RTL4: variants seen among roughly 807,000 people sequenced by gnomAD.
RTL4 encodes retrotransposon Gag-like protein 4.
RTL4 carries 4 observed loss-of-function variants against 5.3 expected under a neutral mutation model. That is an observed-to-expected ratio of 0.75 (90% CI 0.37 to 1.72). The LOEUF (loss-of-function observed/expected upper bound fraction) is 1.72. RTL4 is among the 40% of genes most tolerant of loss of function. RTL4 has a pLI of 0.04. For missense variants in RTL4, 260 were observed against 227.1 expected (o/e 1.14, Z -0.93); for synonymous variants, 98 against 87.3 (o/e 1.12, Z -0.68).
chrX:112,384,299 T>G, the RTL4 span, among the ~76,000 whole-genome samples: 1 of 112,268 alleles, frequency 8.9e-6, no homozygotes, highest in Non-Finnish European at 1.9e-5. Context: ...ATGTCCTAAA[T>G]GGTATGGCCC....
chrX:112,087,329 CTT>C, the RTL4 span, among the ~76,000 whole-genome samples: 13 of 91,222 alleles, frequency 1.4e-4, no homozygotes, highest in Admixed American at 2.4e-4. Flanking sequence ...TGGTCTTCAG[CTT>C]TTTTTTTTTT....
At chrX:112,256,055 T>C in the RTL4 span, among the ~76,000 whole-genome samples, 3 of 112,148 alleles carry the variant, frequency 2.7e-5, no homozygotes, top group African/African-American at 9.7e-5. Context: ...CACGATATAA[T>C]TCATATAAAC....
chrX:112,273,245 T>C, the RTL4 span, among the ~76,000 whole-genome samples: 1 of 107,547 alleles, frequency 9.3e-6, no homozygotes, highest in Non-Finnish European at 1.9e-5. Flanking sequence ...TCATACCACA[T>C]AGAGTTGATG....
the RTL4 span, among the ~76,000 whole-genome samples, chrX:112,328,497 G>T: frequency 9.0e-6 from 1 of 111,550 alleles, no homozygotes; most frequent in East Asian, 2.8e-4. Flanking sequence ...GGAGCACCCA[G>T]ATTCATAAAG....
the RTL4 span, among the ~76,000 whole-genome samples, chrX:112,228,341 A>G: frequency 8.9e-6 from 1 of 112,003 alleles, no homozygotes; most frequent in Non-Finnish European, 1.9e-5. Flanking sequence ...AGTTCAAAGG[A>G]ACCATTTTTA....
the RTL4 span, among the ~76,000 whole-genome samples, chrX:112,163,742 C>T: frequency 8.9e-6 from 1 of 111,806 alleles, no homozygotes; most frequent in African/African-American, 3.3e-5. Context: ...AGAATAATAC[C>T]TACCTGCATA....
At chrX:112,306,788 C>T in the RTL4 span, among the ~76,000 whole-genome samples, 93 of 111,552 alleles carry the variant, frequency 8.3e-4, no homozygotes, top group African/African-American at 2.5e-3. Flanking sequence ...ATTCAGTACT[C>T]TTTACCTCCT....
At chrX:112,130,259 T>C in the RTL4 span, among the ~76,000 whole-genome samples, 1 of 108,996 alleles carries the variant, frequency 9.2e-6, no homozygotes, top group Non-Finnish European at 1.9e-5. Context: ...TTTTTTTTTT[T>C]TGAGACGGAG....
the RTL4 span, among the ~76,000 whole-genome samples, chrX:112,133,305 A>G: frequency 2.7e-5 from 3 of 112,431 alleles, no homozygotes; most frequent in South Asian, 1.1e-3. Flanking sequence ...GCAGAATGCC[A>G]ATATGTAGTT....
chrX:112,221,721 A>C, the RTL4 span, among the ~76,000 whole-genome samples: 2 of 112,259 alleles, frequency 1.8e-5, no homozygotes, highest in Non-Finnish European at 3.8e-5. Flanking sequence ...AATGATGGAG[A>C]GGTTGTTTTC....
the RTL4 span, among the ~76,000 whole-genome samples, chrX:112,236,281 C>A: frequency 2.8e-5 from 3 of 105,946 alleles, no homozygotes; most frequent in Non-Finnish European, 5.8e-5. Flanking sequence ...GCCCCAGTTT[C>A]CTTATTTAAA....
chrX:112,406,099 C>T, the RTL4 span, among the ~76,000 whole-genome samples: 3 of 111,426 alleles, frequency 2.7e-5, no homozygotes, highest in South Asian at 3.9e-4. Context: ...CACTTGCCAC[C>T]GTGAGCCAAA....
At chrX:112,306,534 C>G in the RTL4 span, among the ~76,000 whole-genome samples, 2 of 111,564 alleles carry the variant, frequency 1.8e-5, no homozygotes, top group Non-Finnish European at 3.8e-5. Context: ...ACTGGAGAAA[C>G]CAGCTTTCAA....
At chrX:112,083,364 G>A in the RTL4 span, among the ~76,000 whole-genome samples, 4 of 112,576 alleles carry the variant, frequency 3.6e-5, no homozygotes, top group Non-Finnish European at 7.5e-5. Flanking sequence ...GGCTGCTCCG[G>A]CGACCATAGG....
chrX:112,115,686 T>G, the RTL4 span, among the ~76,000 whole-genome samples: 1 of 111,772 alleles, frequency 8.9e-6, no homozygotes, highest in African/African-American at 3.3e-5. Flanking sequence ...CCTTTCTGAT[T>G]GGTAAGCCCA....
the RTL4 span, among the ~76,000 whole-genome samples, chrX:112,281,411 C>T: frequency 4.5e-5 from 5 of 111,694 alleles, no homozygotes; most frequent in East Asian, 2.8e-4. Context: ...AGGTTGATTC[C>T]GTATTTGGGC....
the RTL4 span, among the ~76,000 whole-genome samples, chrX:112,326,226 T>A: frequency 9.0e-6 from 1 of 111,585 alleles, no homozygotes. Context: ...TGATTTCTGC[T>A]TTCCATCTGA....
the RTL4 span, among the ~76,000 whole-genome samples, chrX:112,311,461 T>G: frequency 9.0e-6 from 1 of 110,663 alleles, no homozygotes; most frequent in African/African-American, 3.3e-5. Flanking sequence ...ATGAGAGCAC[T>G]GGACAAGAAT....
chrX:112,269,833 T>C, the RTL4 span, among the ~76,000 whole-genome samples: 911 of 112,282 alleles, frequency 8.1e-3, 11 homozygotes, highest in African/African-American at 0.028. Flanking sequence ...GTGTCAGTTA[T>C]AATCATTTGA....
Sources: allele counts gnomAD v4.1 joint callset (sites outside exome capture counted in the v4.1 genomes callset), GRCh38; gene constraint gnomAD v4.1.1; transcripts MANE v1.5; gene names NCBI Gene and HGNC (gene_info 2026-07-23, HGNC 2026-07-21).